Variants in DCDC1 observed in about 807,000 individuals in gnomAD.
DCDC1 encodes doublecortin domain containing 1.
DCDC1 carries 200 observed loss-of-function variants against 178.3 expected under a neutral mutation model. That is an observed-to-expected ratio of 1.12 (90% CI 1.00 to 1.26). DCDC1 has a LOEUF of 1.26. DCDC1 is among the 50% of genes most tolerant of loss of function. The probability of loss-of-function intolerance (pLI) is 0.00; values close to 1 mark genes in which losing one functional copy is unlikely to be tolerated. For synonymous variants in DCDC1, 690 were observed against 604.8 expected, an observed-to-expected ratio of 1.14 and a Z score of -2.07; for missense variants, 1,983 against 1,749.2, an observed-to-expected ratio of 1.13 and a Z score of -2.38.
chr11:31,326,149 T>C (rs1280047911), intron 3 of DCDC1, among the ~76,000 whole-genome samples: 2 of 152,020 alleles, frequency 1.3e-5, no homozygotes, highest in East Asian at 3.9e-4. Context: ...TAACAGGCAA[T>C]AGTGACAGAA....
intron 18 of DCDC1, among the ~76,000 whole-genome samples, chr11:31,068,398 A>G (rs1413691090): frequency 6.6e-6 from 1 of 152,194 alleles, no homozygotes; most frequent in African/African-American, 2.4e-5. Context: ...AAACATATAC[A>G]TATTACAAAG....
At chr11:31,157,194 C>T (rs1965793147) in intron 9 of DCDC1, among the ~76,000 whole-genome samples, 1 of 149,196 alleles carries the variant, frequency 6.7e-6, no homozygotes, top group East Asian at 2.0e-4. Flanking sequence ...GACTGGGCAA[C>T]AAAGCAAGAT....
At chr11:30,968,322 C>T (rs1949561757) in intron 20 of DCDC1, among the ~76,000 whole-genome samples, 1 of 152,220 alleles carries the variant, frequency 6.6e-6, no homozygotes, top group Non-Finnish European at 1.5e-5. Flanking sequence ...AGGACACATT[C>T]TGCTATTTAC....
At chr11:31,119,568 T>C (rs768733684) in intron 11 of DCDC1, among the ~76,000 whole-genome samples, 6 of 152,190 alleles carry the variant, frequency 3.9e-5, no homozygotes, top group Non-Finnish European at 8.8e-5. Flanking sequence ...AAAAAAATCT[T>C]GTCACACTTT....
chr11:31,201,380 C>T (rs1055962595), intron 9 of DCDC1, among the ~76,000 whole-genome samples: 27 of 151,646 alleles, frequency 1.8e-4, no homozygotes, highest in Non-Finnish European at 3.8e-4. Context: ...TGTCATATGA[C>T]AAAAATATTC....
Position 30,911,438 on chromosome 11 carries a change from A to G in DCDC1, c.3654-18T>C, listed in dbSNP as rs781240015. On this transcript the variant is annotated intron_variant, in intron 27 of 38. Coordinates refer to ENST00000684477, the MANE Select transcript of DCDC1 (RefSeq NM_001387274.1). Reference sequence around the variant, plus strand: ...GAAAGGTCCTTGGGAAAACAGGATTAGCCACATTACAAAGTAGCATGACCA... The same window carrying G: ...GAAAGGTCCTTGGGAAAACAGGATTGGCCACATTACAAAGTAGCATGACCA... 6.4e-7 allele frequency: 1 copy of G among 1,574,322 alleles called. No individual in the cohort carries two copies. The highest frequency in any genetic ancestry group is 1.7e-4 in the Middle Eastern group (1 of 6,010).
At chr11:31,175,725 T>A (rs1312689690) in intron 9 of DCDC1, among the ~76,000 whole-genome samples, 1 of 152,192 alleles carries the variant, frequency 6.6e-6, no homozygotes, top group Non-Finnish European at 1.5e-5. Context: ...CACCTCTGCC[T>A]TTAGCAAAAC....
chr11:31,010,607 T>C (rs972666323), intron 20 of DCDC1, among the ~76,000 whole-genome samples: 2 of 152,180 alleles, frequency 1.3e-5, no homozygotes, highest in African/African-American at 4.8e-5. Context: ...ACAGGATTTG[T>C]TCACACTGAA....
chr11:31,218,872 T>C (rs1973900921), intron 9 of DCDC1, among the ~76,000 whole-genome samples: 1 of 152,170 alleles, frequency 6.6e-6, no homozygotes, highest in Admixed American at 6.6e-5. Flanking sequence ...TAATTTTTAG[T>C]AAAATTTGGT....
At chr11:30,986,334 C>CTTT (rs201419551) in intron 20 of DCDC1, among the ~76,000 whole-genome samples, 2 of 142,734 alleles carry the variant, frequency 1.4e-5, no homozygotes. Flanking sequence ...TTTTCTCTCT[C>CTTT]TCTTTTTTTT....
intron 9 of DCDC1, among the ~76,000 whole-genome samples, chr11:31,176,108 G>A (rs1967978154): frequency 6.6e-6 from 1 of 152,118 alleles, no homozygotes; most frequent in Non-Finnish European, 1.5e-5. Context: ...TGATCTTAAG[G>A]AAACTGAGCA....
chr11:31,318,836 C>T (rs1239216517), intron 3 of DCDC1, among the ~76,000 whole-genome samples: 1 of 64,674 alleles, frequency 1.5e-5, no homozygotes, highest in Non-Finnish European at 2.7e-5. Context: ...TGAACGCGTC[C>T]CAGAGATTCT....
chr11:31,264,205 T>C (rs1020898951), intron 8 of DCDC1, among the ~76,000 whole-genome samples: 2 of 152,170 alleles, frequency 1.3e-5, no homozygotes, highest in Admixed American at 6.6e-5. Context: ...CTTCTTGCCC[T>C]CTTTTATGTT....
chr11:31,305,001 C>T (rs1326110125), intron 6 of DCDC1, among the ~76,000 whole-genome samples: 3 of 152,040 alleles, frequency 2.0e-5, no homozygotes, highest in East Asian at 3.9e-4. Flanking sequence ...TAGAAAATCT[C>T]CACATTTCTG....
intron 20 of DCDC1, among the ~76,000 whole-genome samples, chr11:31,021,325 C>T (rs1952866622): frequency 6.6e-6 from 1 of 152,106 alleles, no homozygotes; most frequent in Non-Finnish European, 1.5e-5. Context: ...TAGAAACAAC[C>T]TCAACGTTCA....
intron 3 of DCDC1, among the ~76,000 whole-genome samples, chr11:31,315,389 C>T (rs1949029526): frequency 7.4e-6 from 1 of 134,706 alleles, no homozygotes; most frequent in Non-Finnish European, 1.5e-5. Context: ...ACAGTCTCGG[C>T]TCACTGGTAC....
chr11:31,118,772 G>A (rs1960356679), intron 11 of DCDC1, among the ~76,000 whole-genome samples: 2 of 152,186 alleles, frequency 1.3e-5, no homozygotes, highest in African/African-American at 4.8e-5. Context: ...TGCCCACCTG[G>A]CAATTCTCCG....
intron 12 of DCDC1, 38 bp downstream of exon 12, chr11:31,110,222 G>A: frequency 1.5e-6 from 1 of 670,600 alleles, no homozygotes; most frequent in African/African-American, 1.8e-5. Flanking sequence ...TAACTTGCAA[G>A]ACACTTAAAG....
chr11:30,915,692 T>C lies in DCDC1; in HGVS notation c.3472A>G (p.Lys1158Glu). The change falls in exon 27 of 39, where the codon AAA (lysine) becomes GAA (glutamate). Residue 1158 changes from lysine (K) to glutamate (E), a missense_variant. Coordinates refer to ENST00000684477, the MANE Select transcript of DCDC1 (RefSeq NM_001387274.1). ...TGCTGATGACAATGCTTGTGCAATT[T>C]ACTATGCTTTGGTGAACAGCTGAGA... ...KKHSCSPKHSKLHKHCHQQFE... is the reference protein window; with the variant it reads ...KKHSCSPKHSELHKHCHQQFE... The C allele has an allele frequency of 1.2e-6, 2 of 1,613,632 alleles. No homozygotes were observed. Among genetic ancestry groups the C allele is most frequent in the Non-Finnish European group, 8.5e-7 (1 of 1,179,692 alleles).
Sources: allele counts gnomAD v4.1 joint callset (sites outside exome capture counted in the v4.1 genomes callset), GRCh38; gene constraint gnomAD v4.1.1; transcripts MANE v1.5; gene names NCBI Gene and HGNC (gene_info 2026-07-23, HGNC 2026-07-21).